MATN2: variants seen among roughly 807,000 people sequenced by gnomAD.
The protein encoded by MATN2 is matrilin 2.
MATN2 carries 69 observed loss-of-function variants against 103.2 expected under a neutral mutation model. That is an observed-to-expected ratio of 0.67 (90% CI 0.55 to 0.82). The LOEUF is 0.82. Among genes scored for constraint, MATN2 ranks in the 40% least tolerant of loss-of-function variants. MATN2 has a pLI of 0.00. For synonymous variants in MATN2, 429 were observed against 450.2 expected, an observed-to-expected ratio of 0.95 and a Z score of 0.60; for missense variants, 1,023 against 1,211.5, an observed-to-expected ratio of 0.84 and a Z score of 2.31.
chr8:97,965,292 G>A (rs185356330), intron 5 of MATN2, among the ~76,000 whole-genome samples: 71 of 152,274 alleles, frequency 4.7e-4, no homozygotes, highest in Admixed American at 2.9e-3. Context: ...AAGAGCCACC[G>A]AAGGGTTTAT....
intron 6 of MATN2, among the ~76,000 whole-genome samples, chr8:97,984,374 C>A (rs751492598): frequency 5.3e-5 from 8 of 152,192 alleles, no homozygotes; most frequent in Non-Finnish European, 8.8e-5. Context: ...TGAGTCATAT[C>A]AGAGTAACTT....
chr8:97,962,096 A>T (rs1355764738), intron 5 of MATN2, among the ~76,000 whole-genome samples: 1 of 152,228 alleles, frequency 6.6e-6, no homozygotes, highest in African/African-American at 2.4e-5. Context: ...GCTCAAGGGC[A>T]GTGCTTGATG....
chr8:97,957,406 C>T (rs993674807), intron 4 of MATN2, among the ~76,000 whole-genome samples: 1 of 152,228 alleles, frequency 6.6e-6, no homozygotes, highest in Non-Finnish European at 1.5e-5. Context: ...TTTGTCAGAA[C>T]CCAGTCTGTA....
intron 2 of MATN2, among the ~76,000 whole-genome samples, chr8:97,898,689 A>G (rs1818894213): frequency 6.6e-6 from 1 of 152,114 alleles, no homozygotes; most frequent in Non-Finnish European, 1.5e-5. Context: ...ATGTACTATT[A>G]TCCCTTAAAT....
At chr8:97,951,540 G>A (rs371424739) in intron 4 of MATN2, among the ~76,000 whole-genome samples, 8 of 152,106 alleles carry the variant, frequency 5.3e-5, no homozygotes, top group Non-Finnish European at 1.0e-4. Context: ...TCTGGAACTG[G>A]GGCCCAGGAA....
chr8:97,938,413 A>G (rs1271264894), intron 3 of MATN2, among the ~76,000 whole-genome samples: 1 of 152,234 alleles, frequency 6.6e-6, no homozygotes, highest in Non-Finnish European at 1.5e-5. Flanking sequence ...CGTTGCTGAC[A>G]TGAGCTGTCT....
chr8:97,938,773 G>A (rs571034095), intron 3 of MATN2, among the ~76,000 whole-genome samples: 1 of 152,182 alleles, frequency 6.6e-6, no homozygotes, highest in Admixed American at 6.5e-5. Context: ...ATTCCTGATG[G>A]AATATAGGGT....
intron 2 of MATN2, among the ~76,000 whole-genome samples, chr8:97,891,283 C>G (rs1818617480): frequency 6.6e-6 from 1 of 152,142 alleles, no homozygotes; most frequent in Non-Finnish European, 1.5e-5. Context: ...CAGTGGTTCT[C>G]AAGCTTTGGT....
At chr8:98,011,405 G>T (rs141048640) in intron 10 of MATN2, among the ~76,000 whole-genome samples, 2 of 152,160 alleles carry the variant, frequency 1.3e-5, no homozygotes, top group African/African-American at 2.4e-5. Context: ...GGAAACTAGA[G>T]ATTTTCCCTT....
intron 6 of MATN2, among the ~76,000 whole-genome samples, chr8:97,981,694 C>T (rs1484665524): frequency 6.6e-6 from 1 of 152,136 alleles, no homozygotes; most frequent in Non-Finnish European, 1.5e-5. Flanking sequence ...ATATCCTAGC[C>T]AGTCTCCTAC....
At chr8:97,924,120 C>T (rs1809905746) in intron 2 of MATN2, among the ~76,000 whole-genome samples, 1 of 152,192 alleles carries the variant, frequency 6.6e-6, no homozygotes, top group African/African-American at 2.4e-5. Flanking sequence ...ACCTTTGCCC[C>T]TTTCCTGATT....
intron 4 of MATN2, among the ~76,000 whole-genome samples, chr8:97,950,565 T>G (rs1438000054): frequency 6.6e-6 from 1 of 152,160 alleles, no homozygotes; most frequent in African/African-American, 2.4e-5. Flanking sequence ...CAAGAAACAT[T>G]CAGATCTTGG....
chr8:97,950,577 T>C (rs1013590651), intron 4 of MATN2, among the ~76,000 whole-genome samples: 1 of 152,142 alleles, frequency 6.6e-6, no homozygotes, highest in African/African-American at 2.4e-5. Flanking sequence ...AGATCTTGGC[T>C]TCCCTTTTAC....
chr8:97,979,316 C>T (rs899791817), intron 6 of MATN2, among the ~76,000 whole-genome samples: 2 of 152,164 alleles, frequency 1.3e-5, no homozygotes, highest in Non-Finnish European at 2.9e-5. Context: ...TGACTGTGCC[C>T]ATCAGCACTA....
intron 5 of MATN2, among the ~76,000 whole-genome samples, chr8:97,973,249 G>A (rs1428148902): frequency 6.6e-6 from 1 of 152,130 alleles, no homozygotes; most frequent in Non-Finnish European, 1.5e-5. Flanking sequence ...TGGAGACTTG[G>A]GACCCAGGAA....
chr8:97,941,161 C>CAAAAAAAAAAAAAAAAAAAA (rs1186024165), intron 3 of MATN2, among the ~76,000 whole-genome samples: 12 of 77,988 alleles, frequency 1.5e-4, no homozygotes, highest in Admixed American at 5.5e-4. Flanking sequence ...GACCTTGTCT[C>CAAAAAAAAAAAAAAAAAAAA]AAAAAAAAAA....
intron 4 of MATN2, among the ~76,000 whole-genome samples, chr8:97,946,641 G>A (rs914894832): frequency 8.5e-5 from 13 of 152,058 alleles, no homozygotes; most frequent in African/African-American, 3.1e-4. Context: ...TTCAAAATAA[G>A]GAATTTTCCC....
At position 98,027,704 on chromosome 8, in the gene MATN2, G is replaced by A; in HGVS notation, c.2231G>A (p.Arg744Lys). The part of the protein sequence containing the change: ...TGLALKHMFE[R>K]SFTQGEGARP... ...CTGGCCCTGAAACACATGTTTGAGA[G>A]AAGTTTTACCCAAGGAGAAGGGGCC... The change falls in exon 14 of 19, where the codon AGA (arginine) becomes AAA (lysine). Residue 744 changes from arginine to lysine, a missense_variant. Physicochemically the swap from Arg to Lys is conservative, Grantham distance 26. Transcript: ENST00000254898. 2 of 1,613,992 alleles carry A rather than the reference G, an allele frequency of 1.2e-6. No homozygotes were observed. Among genetic ancestry groups the A allele is most frequent in the South Asian group, 1.1e-5 (1 of 91,090 alleles).
intron 5 of MATN2, among the ~76,000 whole-genome samples, chr8:97,972,526 C>T (rs1811694550): frequency 6.6e-6 from 1 of 152,128 alleles, no homozygotes; most frequent in Non-Finnish European, 1.5e-5. Context: ...TTTGGTTTTT[C>T]TTACTTTGTT....
Sources: allele counts gnomAD v4.1 joint callset (sites outside exome capture counted in the v4.1 genomes callset), GRCh38; gene constraint gnomAD v4.1.1; transcripts MANE v1.5; gene names NCBI Gene and HGNC (gene_info 2026-07-23, HGNC 2026-07-21).